Variants in SPOCK1 observed in about 807,000 individuals in gnomAD.
The protein encoded by SPOCK1 is testican-1.
SPOCK1 carries 23 observed loss-of-function variants against 55.3 expected under a neutral mutation model. The ratio of observed to expected loss-of-function variants is 0.42; its 90% CI spans 0.30 to 0.59. The LOEUF is 0.59. Ranked by LOEUF, SPOCK1 falls within the 20% of genes least tolerant of loss-of-function variation. The pLI is 0.22. For missense variants in SPOCK1, 499 were observed against 552.5 expected, an observed-to-expected ratio of 0.90 and a Z score of 0.97; for synonymous variants, 226 against 221.0, an observed-to-expected ratio of 1.02 and a Z score of -0.20.
At chr5:137,312,972 T>C (rs532699034) in intron 2 of SPOCK1, among the ~76,000 whole-genome samples, 13 of 152,326 alleles carry the variant, frequency 8.5e-5, no homozygotes, top group African/African-American at 2.9e-4. Context: ...AGGCCCATTT[T>C]CCTACTGGCA....
At chr5:137,353,768 T>C (rs539131129) in intron 2 of SPOCK1, among the ~76,000 whole-genome samples, 1 of 152,298 alleles carries the variant, frequency 6.6e-6, no homozygotes, top group South Asian at 2.1e-4. Flanking sequence ...CCTTCCTAGA[T>C]GGGAGGTTCA....
intron 2 of SPOCK1, among the ~76,000 whole-genome samples, chr5:137,320,647 G>A (rs893217649): frequency 6.6e-6 from 1 of 152,142 alleles, no homozygotes; most frequent in Non-Finnish European, 1.5e-5. Flanking sequence ...GGCTACAAGC[G>A]CCTGAAAAAG....
At chr5:136,991,726 T>C (rs566701451) in intron 7 of SPOCK1, among the ~76,000 whole-genome samples, 1 of 152,286 alleles carries the variant, frequency 6.6e-6, no homozygotes, top group South Asian at 2.1e-4. Flanking sequence ...TTGGCCACAG[T>C]GTGGAGAAGC....
intron 3 of SPOCK1, among the ~76,000 whole-genome samples, chr5:137,141,839 G>C (rs554035969): frequency 1.3e-5 from 2 of 152,132 alleles, no homozygotes; most frequent in Non-Finnish European, 2.9e-5. Context: ...GAGACAAGAG[G>C]GGGTGAGGGG....
intron 6 of SPOCK1, among the ~76,000 whole-genome samples, chr5:137,023,344 C>T (rs975813881): frequency 1.3e-4 from 20 of 152,104 alleles, no homozygotes; most frequent in African/African-American, 4.6e-4. Flanking sequence ...AACAGAAGGG[C>T]TGGCTTCACT....
intron 3 of SPOCK1, among the ~76,000 whole-genome samples, chr5:137,202,026 C>T (rs1755435224): frequency 6.6e-6 from 1 of 152,222 alleles, no homozygotes; most frequent in Non-Finnish European, 1.5e-5. Flanking sequence ...TGTGCCTGAA[C>T]ATTCCAACCT....
chr5:137,015,708 G>C (rs949970556), intron 6 of SPOCK1, among the ~76,000 whole-genome samples: 2 of 152,166 alleles, frequency 1.3e-5, no homozygotes, highest in African/African-American at 4.8e-5. Flanking sequence ...ACTACAGAGG[G>C]GGAAATCCCA....
intron 3 of SPOCK1, among the ~76,000 whole-genome samples, chr5:137,215,313 AC>A (rs1371039008): frequency 1.3e-5 from 2 of 152,300 alleles, no homozygotes; most frequent in South Asian, 2.1e-4. Flanking sequence ...TGGTGAAATC[AC>A]CCTGTATACA....
At chr5:137,309,010 G>A (rs2127141252) in intron 2 of SPOCK1, among the ~76,000 whole-genome samples, 1 of 152,266 alleles carries the variant, frequency 6.6e-6, no homozygotes, top group Admixed American at 6.5e-5. Context: ...CAGGTGGTGA[G>A]ATGCTGGATT....
chr5:137,456,974 A>T (rs1281862617), intron 2 of SPOCK1, among the ~76,000 whole-genome samples: 1 of 152,224 alleles, frequency 6.6e-6, no homozygotes, highest in Non-Finnish European at 1.5e-5. Context: ...AGTAAATCTG[A>T]AGTAAGTCTG....
At chr5:137,238,338 C>A (rs746719887) in intron 3 of SPOCK1, among the ~76,000 whole-genome samples, 4 of 152,184 alleles carry the variant, frequency 2.6e-5, no homozygotes, top group Non-Finnish European at 5.9e-5. Context: ...CACTGCAGTC[C>A]TTGAAACCAC....
At chr5:137,014,661 C>T (rs1202177968) in intron 6 of SPOCK1, among the ~76,000 whole-genome samples, 1 of 152,128 alleles carries the variant, frequency 6.6e-6, no homozygotes, top group African/African-American at 2.4e-5. Flanking sequence ...CTTTCTGTGT[C>T]AATATACCTG....
At chr5:137,016,655 C>T (rs1365931152) in intron 6 of SPOCK1, among the ~76,000 whole-genome samples, 1 of 152,200 alleles carries the variant, frequency 6.6e-6, no homozygotes, top group Non-Finnish European at 1.5e-5. Flanking sequence ...CAATTTTTAT[C>T]ACAGGGACGG....
chr5:137,179,100 C>T (rs766387276), intron 3 of SPOCK1, among the ~76,000 whole-genome samples: 4 of 152,032 alleles, frequency 2.6e-5, no homozygotes, highest in Non-Finnish European at 5.9e-5. Context: ...ATTTTTCCTC[C>T]GACATCAAAA....
intron 3 of SPOCK1, among the ~76,000 whole-genome samples, chr5:137,181,243 T>A (rs1463696091): frequency 6.6e-6 from 1 of 151,880 alleles, no homozygotes; most frequent in African/African-American, 2.4e-5. Flanking sequence ...GAGAGGAAGG[T>A]GGAGGGGTGG....
chr5:137,392,883 T>C (rs1456078458), intron 2 of SPOCK1, among the ~76,000 whole-genome samples: 1 of 152,206 alleles, frequency 6.6e-6, no homozygotes, highest in Non-Finnish European at 1.5e-5. Context: ...ATATCATTTT[T>C]ACATTTACTT....
At chr5:137,138,504 TACACACACAC>T in intron 4 of SPOCK1, among the ~76,000 whole-genome samples, 1 of 147,720 alleles carries the variant, frequency 6.8e-6, no homozygotes, top group African/African-American at 2.5e-5. Flanking sequence ...CACACAAACA[TACACACACAC>T]ACACACACAC....
intron 3 of SPOCK1, among the ~76,000 whole-genome samples, chr5:137,200,225 C>A (rs1367974365): frequency 6.6e-6 from 1 of 152,206 alleles, no homozygotes; most frequent in African/African-American, 2.4e-5. Flanking sequence ...AGGCCAGATG[C>A]ACCCTTTTGG....
At chr5:137,163,817 T>A (rs1017951346) in intron 3 of SPOCK1, among the ~76,000 whole-genome samples, 17 of 152,220 alleles carry the variant, frequency 1.1e-4, no homozygotes, top group Admixed American at 9.8e-4. Flanking sequence ...CATGTGACTC[T>A]CAATTTCCCT....
Sources: allele counts gnomAD v4.1 joint callset (sites outside exome capture counted in the v4.1 genomes callset), GRCh38; gene constraint gnomAD v4.1.1; transcripts MANE v1.5; gene names NCBI Gene and HGNC (gene_info 2026-07-23, HGNC 2026-07-21).